Variants in IST1 observed in about 807,000 individuals in gnomAD.
The protein encoded by IST1 is IST1 homolog.
A neutral mutation model predicts 37.0 loss-of-function variants in IST1; 23 were observed. The ratio of observed to expected loss-of-function variants is 0.62; its 90% CI spans 0.45 to 0.88. The LOEUF (loss-of-function observed/expected upper bound fraction) is 0.88, where lower values mean the gene tolerates loss of function less well. Ranked by LOEUF, IST1 falls within the 40% of genes least tolerant of loss-of-function variation. The pLI is 0.00. For synonymous variants in IST1, 180 were observed against 161.7 expected, an observed-to-expected ratio of 1.11 and a Z score of -0.86; for missense variants, 488 against 445.4, an observed-to-expected ratio of 1.10 and a Z score of -0.86.
Position 71,923,314 on chromosome 16 carries a change from G to C in IST1, c.786G>C (p.Gly262=). 1 of 1,611,640 alleles carries C rather than the reference G, an allele frequency of 6.2e-7. No homozygotes were observed. The highest frequency in any genetic ancestry group is 8.5e-7 in the Non-Finnish European group (1 of 1,178,138). Reference sequence around the variant, plus strand: ...CAGATTTCAATGGACTGCCAATGGGGACTTATCAGGCCTTTCCCAATATTC... The same window carrying C: ...CAGATTTCAATGGACTGCCAATGGGCACTTATCAGGCCTTTCCCAATATTC... ...GPSDFNGLPM[G]TYQAFPNIHP... The change falls in exon 8 of 10, where the codon GGG becomes GGC. Residue 262 remains glycine (G), a synonymous_variant. Coordinates refer to ENST00000378799, the MANE Select transcript of IST1 (RefSeq NM_001270975.2).
intron 6 of IST1, among the ~76,000 whole-genome samples, chr16:71,921,998 G>A (rs939923733): frequency 5.9e-5 from 9 of 152,216 alleles, no homozygotes; most frequent in African/African-American, 2.2e-4. Context: ...TTAGCTGGGT[G>A]TGGTGGTGGG....
chr16:71,924,470 G>A, intron 8 of IST1: 1 of 511,562 alleles, frequency 2.0e-6, no homozygotes, highest in Non-Finnish European at 3.5e-6. Flanking sequence ...GCATGCCTGT[G>A]GTCCCAGCTA....
At chr16:71,913,975 ATTTTGT>A (rs2037413853) in intron 1 of IST1, among the ~76,000 whole-genome samples, 1 of 150,664 alleles carries the variant, frequency 6.6e-6, no homozygotes, top group African/African-American at 2.4e-5. Context: ...CGCCTGGCTA[ATTTTGT>A]ATTTTTAGTA....
In IST1 at chr16:71,904,892, T is replaced by G. The variant is rs187681498; in HGVS notation, c.-16+9303T>G. On this transcript the variant is annotated intron_variant, in intron 1 of 9. Coordinates refer to ENST00000378799, the MANE Select transcript of IST1 (RefSeq NM_001270975.2). ...ACCATTTTCATTTAATTATGTAATTTTTGAATGTTTGAGTTTAGGTCTACA... is the reference window on the plus strand; with the variant it reads ...ACCATTTTCATTTAATTATGTAATTGTTGAATGTTTGAGTTTAGGTCTACA... Among the ~76,000 whole-genome samples the G allele has an allele frequency of 2.0e-4, 31 of 152,336 alleles. 1 individual carries two copies. The highest frequency in any genetic ancestry group is 6.3e-4 in the African/African-American group (26 of 41,580).
At chr16:71,922,445 A>C in intron 6 of IST1, 29 bp from the exon 7 acceptor site, 1 of 1,596,062 alleles carries the variant, frequency 6.3e-7, no homozygotes, top group Non-Finnish European at 8.6e-7. Flanking sequence ...GACATGGGTT[A>C]ATGACCTGGG....
At chr16:71,922,704 T>TGTGTGG (rs370356487) in intron 7 of IST1, 24 bp downstream of exon 7, 11 of 1,568,850 alleles carry the variant, frequency 7.0e-6, no homozygotes, top group Admixed American at 3.7e-5. Flanking sequence ...AGTGTGGATG[T>TGTGTGG]AAGCTTTAGA....
chr16:71,908,843 A>C (rs1204866872), intron 1 of IST1, among the ~76,000 whole-genome samples: 1 of 152,132 alleles, frequency 6.6e-6, no homozygotes, highest in African/African-American at 2.4e-5. Context: ...ACTCGCCGCC[A>C]GTTTATTGGT....
rs1158995978 is a variant in IST1 at position 71,927,927 on chromosome 16, A to G, written c.*114A>G. 8 of 751,012 alleles carry G rather than the reference A, an allele frequency of 1.1e-5. No individual in the cohort carries two copies. The highest frequency in any genetic ancestry group is 6.4e-5 in the South Asian group (4 of 62,540). The allele number at this position is 751,012 out of a possible 1,614,324, so 46.5% of individuals were successfully genotyped here. On this transcript the variant is annotated 3_prime_UTR_variant, in exon 10 of 10. Coordinates refer to ENST00000378799, the MANE Select transcript of IST1 (RefSeq NM_001270975.2). ...CATCTGTTAACCGTCACTCAGCACA[A>G]CACTCCCTCTGGGCTCTCTTCCTGC...
At chr16:71,906,928 G>T (rs2037237165) in intron 1 of IST1, among the ~76,000 whole-genome samples, 1 of 152,080 alleles carries the variant, frequency 6.6e-6, no homozygotes, top group Non-Finnish European at 1.5e-5. Flanking sequence ...TACTTGGGAG[G>T]CTGAGGCAGG....
At chr16:71,905,866 T>G (rs899841491) in intron 1 of IST1, among the ~76,000 whole-genome samples, 2 of 152,218 alleles carry the variant, frequency 1.3e-5, no homozygotes, top group African/African-American at 4.8e-5. Flanking sequence ...TGTTTTTAAT[T>G]GTCAAACATA....
At chr16:71,904,529 C>T (rs1429046314) in intron 1 of IST1, among the ~76,000 whole-genome samples, 3 of 152,164 alleles carry the variant, frequency 2.0e-5, no homozygotes, top group Non-Finnish European at 4.4e-5. Context: ...TCTCCCACTT[C>T]AGTCCCCCCG....
chr16:71,924,130 T>A (rs1260088423), intron 8 of IST1: 3 of 456,040 alleles, frequency 6.6e-6, no homozygotes, highest in Non-Finnish European at 1.3e-5. Context: ...TTCTTATGCT[T>A]TGGTTTTGCA....
Position 71,930,453 on chromosome 16 carries a change from T to G in IST1, c.*2640T>G. ...GCAGTGGAATTGGAAATGATTCAAA[T>G]GTCACATGAGTTTTGGCAAAAAATA... On this transcript the variant is annotated 3_prime_UTR_variant, in exon 10 of 10. Transcript: ENST00000378799. The G allele has an allele frequency of 3.5e-6, 1 of 285,672 alleles. No homozygotes were observed. The allele number at this position is 285,672 out of a possible 1,614,324, so 17.7% of individuals were successfully genotyped here.
Position 71,924,816 on chromosome 16 carries a change from T to A in IST1, c.900T>A (p.Val300=). ...AGAATATCTCTTCTGCACAGATTGT[T>A]GGTGAGTAGTATCAATCAGAAACCT... ...ADKNISSAQI[V]GPGPKPEASA... Residue 300 remains valine, a splice_region_variant and synonymous_variant, in exon 9 of 10, where the codon GTT becomes GTA. Coordinates refer to ENST00000378799, the MANE Select transcript of IST1 (RefSeq NM_001270975.2). The A allele has an allele frequency of 6.2e-7, 1 of 1,601,758 alleles. No individual in the cohort carries two copies. The highest frequency in any genetic ancestry group is 8.6e-7 in the Non-Finnish European group (1 of 1,168,606).
intron 1 of IST1, among the ~76,000 whole-genome samples, chr16:71,905,409 A>C: frequency 2.4e-5 from 3 of 123,226 alleles, no homozygotes; most frequent in African/African-American, 3.2e-5. Context: ...AGACAGTTTC[A>C]CTCTCGTTGC....
At chr16:71,916,138 C>A (rs754518427) in intron 2 of IST1, among the ~76,000 whole-genome samples, 2 of 152,118 alleles carry the variant, frequency 1.3e-5, no homozygotes, top group Admixed American at 1.3e-4. Flanking sequence ...GCCCTGGGAT[C>A]ATATCTTTTA....
intron 1 of IST1, among the ~76,000 whole-genome samples, chr16:71,899,438 A>G (rs1185402589): frequency 6.6e-6 from 1 of 152,134 alleles, no homozygotes; most frequent in African/African-American, 2.4e-5. Context: ...TTAAAAAGAT[A>G]AAGGAATTGG....
intron 1 of IST1, among the ~76,000 whole-genome samples, chr16:71,914,931 C>T (rs374369573): frequency 6.6e-6 from 1 of 152,118 alleles, no homozygotes; most frequent in East Asian, 1.9e-4. Flanking sequence ...GGGTAGAGGA[C>T]GGGTGGTTTT....
intron 1 of IST1, among the ~76,000 whole-genome samples, chr16:71,910,373 G>A (rs371977164): frequency 1.3e-5 from 2 of 152,082 alleles, no homozygotes; most frequent in African/African-American, 4.8e-5. Context: ...TTGGGAGGCC[G>A]AGGCAGGCGG....
Sources: gnomAD v4.1 joint callset for allele counts (sites outside exome capture counted in the v4.1 genomes callset) on GRCh38, gnomAD v4.1.1 for gene constraint, MANE v1.5 for transcripts, NCBI Gene and HGNC (gene_info 2026-07-23, HGNC 2026-07-21) for gene names.